Variants in LRFN5 observed in about 807,000 individuals in gnomAD.
LRFN5 encodes the protein leucine-rich repeat and fibronectin type-III domain-containing protein 5.
A neutral mutation model predicts 45.6 loss-of-function variants in LRFN5; 24 were observed. The observed-to-expected ratio is 0.53, with a 90% confidence interval of 0.38 to 0.74. The LOEUF (loss-of-function observed/expected upper bound fraction) is 0.74, where lower values mean the gene tolerates loss of function less well. Among genes scored for constraint, LRFN5 ranks in the 30% least tolerant of loss-of-function variants. The pLI is 0.00. For missense variants in LRFN5, 776 were observed against 861.5 expected, an observed-to-expected ratio of 0.90 and a Z score of 1.24; for synonymous variants, 340 against 313.8, an observed-to-expected ratio of 1.08 and a Z score of -0.88.
At chr14:41,620,388 T>G (rs1429408659) in intron 1 of LRFN5, among the ~76,000 whole-genome samples, 1 of 152,052 alleles carries the variant, frequency 6.6e-6, no homozygotes, top group Non-Finnish European at 1.5e-5. Context: ...GAAAAAATTA[T>G]GTAAAGTTAC....
chr14:41,788,554 T>TA (rs35207832), intron 2 of LRFN5, among the ~76,000 whole-genome samples: 38,308 of 150,000 alleles, frequency 0.26, 5,151 homozygotes, highest in South Asian at 0.42. Flanking sequence ...AAATTATGTT[T>TA]AAAAAAAAAA....
At chr14:41,714,554 C>T (rs913205372) in intron 1 of LRFN5, among the ~76,000 whole-genome samples, 4 of 152,144 alleles carry the variant, frequency 2.6e-5, no homozygotes, top group East Asian at 1.9e-4. Flanking sequence ...ATTGGACAGA[C>T]GTGTGCTATT....
chr14:41,882,137 A>G (rs955575130), intron 2 of LRFN5, among the ~76,000 whole-genome samples: 2 of 152,048 alleles, frequency 1.3e-5, no homozygotes, highest in African/African-American at 4.8e-5. Context: ...TTGATTTCCA[A>G]ATTTCTGGAG....
chr14:41,648,781 T>G (rs971397069), intron 1 of LRFN5, among the ~76,000 whole-genome samples: 8 of 152,190 alleles, frequency 5.3e-5, no homozygotes, highest in Non-Finnish European at 5.9e-5. Context: ...TGTTTTTTTT[T>G]GGAACATAAT....
intron 1 of LRFN5, among the ~76,000 whole-genome samples, chr14:41,750,300 AT>A (rs1351306201): frequency 7.0e-6 from 1 of 143,122 alleles, no homozygotes; most frequent in African/African-American, 2.6e-5. Context: ...TATATATAAG[AT>A]TTTTTATATG....
Position 41,813,940 on chromosome 14 carries a change from G to T in LRFN5, c.-21+46911G>T, listed in dbSNP as rs143414666. 6.8e-3 allele frequency among the ~76,000 whole-genome samples: 1,028 copies of T among 152,028 alleles called. 11 individuals are homozygous for T. The highest frequency in any genetic ancestry group is 0.024 in the African/African-American group (984 of 41,462). On this transcript the variant is annotated intron_variant, in intron 2 of 5. Coordinates refer to ENST00000298119, the MANE Select transcript of LRFN5 (RefSeq NM_152447.5). Reference sequence around the variant, plus strand: ...ATGATGAGCTTTTTTTCATATATTTGCTGGCCACATAAATGTCTTCTTCTG... The same window carrying T: ...ATGATGAGCTTTTTTTCATATATTTTCTGGCCACATAAATGTCTTCTTCTG...
At chr14:41,892,663 G>A (rs565060948) in intron 4 of LRFN5, 351 of 984,382 alleles carry the variant, frequency 3.6e-4, no homozygotes, top group Non-Finnish European at 4.0e-4. Flanking sequence ...TTAGTATACC[G>A]AGTTAATGTT....
At chr14:41,856,387 C>T (rs1487561615) in intron 2 of LRFN5, among the ~76,000 whole-genome samples, 1 of 152,070 alleles carries the variant, frequency 6.6e-6, no homozygotes, top group African/African-American at 2.4e-5. Flanking sequence ...TAGTGCATAG[C>T]CTTTTCATTC....
intron 2 of LRFN5, among the ~76,000 whole-genome samples, chr14:41,790,446 A>T (rs544789475): frequency 6.6e-6 from 1 of 151,734 alleles, no homozygotes; most frequent in Admixed American, 6.6e-5. Flanking sequence ...TTCAGTTCTT[A>T]TCGCTACTAT....
chr14:41,872,779 C>T (rs752923949), intron 2 of LRFN5, among the ~76,000 whole-genome samples: 50 of 152,100 alleles, frequency 3.3e-4, no homozygotes, highest in South Asian at 8.3e-4. Context: ...ACATTCTGGG[C>T]AATGCAATGG....
chr14:41,813,264 G>GT (rs1432495738), intron 2 of LRFN5, among the ~76,000 whole-genome samples: 1 of 151,964 alleles, frequency 6.6e-6, no homozygotes, highest in Admixed American at 6.6e-5. Flanking sequence ...TGTCACATAG[G>GT]TATACATGTG....
At chr14:41,622,720 C>G (rs190251514) in intron 1 of LRFN5, among the ~76,000 whole-genome samples, 10 of 152,030 alleles carry the variant, frequency 6.6e-5, no homozygotes, top group Admixed American at 4.6e-4. Context: ...TCTTAAAAGT[C>G]TTAGGTAACT....
At chr14:41,837,201 A>C (rs1232692583) in intron 2 of LRFN5, among the ~76,000 whole-genome samples, 1 of 151,192 alleles carries the variant, frequency 6.6e-6, no homozygotes, top group East Asian at 1.9e-4. Flanking sequence ...CCACAAAAAA[A>C]AAAAAAAAAA....
chr14:41,622,421 T>A (rs1012261307), intron 1 of LRFN5, among the ~76,000 whole-genome samples: 9 of 152,200 alleles, frequency 5.9e-5, no homozygotes, highest in Non-Finnish European at 1.2e-4. Context: ...AATATTTGTA[T>A]AAGCTAAGCT....
At chr14:41,628,317 G>A (rs1176131486) in intron 1 of LRFN5, among the ~76,000 whole-genome samples, 1 of 152,008 alleles carries the variant, frequency 6.6e-6, no homozygotes, top group Admixed American at 6.6e-5. Flanking sequence ...TCTCTTGTCA[G>A]GTTTTGCATC....
intron 5 of LRFN5, among the ~76,000 whole-genome samples, chr14:41,899,520 G>A (rs974499037): frequency 1.3e-5 from 2 of 151,948 alleles, no homozygotes; most frequent in African/African-American, 4.8e-5. Flanking sequence ...TTTTTAGGGG[G>A]GATGTTTGAA....
intron 1 of LRFN5, among the ~76,000 whole-genome samples, chr14:41,691,981 A>G (rs1001266785): frequency 1.3e-5 from 2 of 151,932 alleles, no homozygotes; most frequent in Non-Finnish European, 2.9e-5. Context: ...TATTTTGTCA[A>G]TGGATATTTG....
chr14:41,779,306 A>G (rs1235341305), intron 2 of LRFN5, among the ~76,000 whole-genome samples: 2 of 151,910 alleles, frequency 1.3e-5, no homozygotes, highest in Admixed American at 6.6e-5. Context: ...TTACAATTTT[A>G]AATTAGCTTT....
intron 1 of LRFN5, among the ~76,000 whole-genome samples, chr14:41,650,496 G>A (rs1444185929): frequency 6.6e-6 from 1 of 152,058 alleles, no homozygotes; most frequent in Non-Finnish European, 1.5e-5. Context: ...ACAAATCGGT[G>A]AGCTAATGGA....
Sources: allele counts gnomAD v4.1 joint callset (sites outside exome capture counted in the v4.1 genomes callset), GRCh38; gene constraint gnomAD v4.1.1; transcripts MANE v1.5; gene names NCBI Gene and HGNC (gene_info 2026-07-23, HGNC 2026-07-21).